The following PPFIA2 variants were observed in gnomAD, a reference collection of about 807,000 sequenced individuals.
PPFIA2 encodes the protein liprin-alpha-2.
In PPFIA2, 46 loss-of-function variants were observed where a neutral mutation model predicts 175.5. The observed-to-expected ratio is 0.26, with a 90% CI of 0.21 to 0.34. The LOEUF (loss-of-function observed/expected upper bound fraction) is 0.34. Ranked by LOEUF, PPFIA2 falls within the 10% of genes least tolerant of loss-of-function variation. The probability of loss-of-function intolerance (pLI) is 1.00; values close to 1 mark genes in which losing one functional copy is unlikely to be tolerated. For synonymous variants in PPFIA2, 568 were observed against 511.4 expected (o/e 1.11, Z -1.49); for missense variants, 1,179 against 1,506.1 (o/e 0.78, Z 3.60).
intron 11 of PPFIA2, among the ~76,000 whole-genome samples, chr12:81,369,882 T>C (rs1437090979): frequency 1.3e-5 from 2 of 151,760 alleles, no homozygotes; most frequent in Non-Finnish European, 2.9e-5. Context: ...GTGAACACGA[T>C]GCAGTTGATG....
At chr12:81,709,349 A>G (rs935980622) in intron 3 of PPFIA2, among the ~76,000 whole-genome samples, 5 of 152,248 alleles carry the variant, frequency 3.3e-5, no homozygotes, top group Admixed American at 2.0e-4. Context: ...TGTCAGATCC[A>G]TCATCAAATT....
chr12:81,753,592 A>G (rs2084191247), intron 3 of PPFIA2, among the ~76,000 whole-genome samples: 1 of 152,128 alleles, frequency 6.6e-6, no homozygotes, highest in Non-Finnish European at 1.5e-5. Context: ...AGACCACACA[A>G]CTGAAAATGA....
In PPFIA2 at chr12:81,529,518, G is replaced by GAC. The variant is rs375183877; in HGVS notation, c.304-71654_304-71653dup. Among the ~76,000 whole-genome samples the GAC allele has an allele frequency of 3.2e-3, 476 of 149,856 alleles. 1 individual carries two copies. Among genetic ancestry groups the GAC allele is most frequent in the African/African-American group, 9.7e-3 (396 of 40,738 alleles). On this transcript the variant is annotated intron_variant, in intron 4 of 32. Transcript: ENST00000549396. ...TATTCCAAGTAAATAGAGAGAGAGA[G>GAC]ACACACACACACACACAAAGAGTGG...
At chr12:81,689,401 T>C (rs746782232) in intron 3 of PPFIA2, among the ~76,000 whole-genome samples, 1 of 152,072 alleles carries the variant, frequency 6.6e-6, no homozygotes, top group Non-Finnish European at 1.5e-5. Context: ...GGCAGCTCCA[T>C]TTCAATTGAT....
intron 4 of PPFIA2, among the ~76,000 whole-genome samples, chr12:81,485,404 C>A (rs10862317): frequency 0.071 from 10,793 of 151,556 alleles, 552 homozygotes; most frequent in East Asian, 0.2. Flanking sequence ...TTTTAAAAAT[C>A]CTTAACCTAT....
At chr12:81,444,099 C>T (rs913388625) in intron 6 of PPFIA2, among the ~76,000 whole-genome samples, 1 of 151,794 alleles carries the variant, frequency 6.6e-6, no homozygotes, top group Non-Finnish European at 1.5e-5. Flanking sequence ...CGTGATCCGC[C>T]CGCCTCGGCC....
rs550187113 is a variant in PPFIA2 at position 81,452,532 on chromosome 12, T to G, written c.405+5233A>C. ...GAAATAGCTGTTGGGAGGGCGTATGTCCTATCCTATTTACTCTTGTACTGA... is the reference window on the plus strand; with the variant it reads ...GAAATAGCTGTTGGGAGGGCGTATGGCCTATCCTATTTACTCTTGTACTGA... On this transcript the variant is annotated intron_variant, in intron 5 of 32. Coordinates refer to ENST00000549396, the MANE Select transcript of PPFIA2 (RefSeq NM_003625.5). 2.0e-5 allele frequency among the ~76,000 whole-genome samples: 3 copies of G among 152,344 alleles called. No individual in the cohort carries two copies. In the South Asian group the frequency reaches 6.2e-4, roughly 32 times the overall value.
At chr12:81,606,822 T>A (rs991123523) in intron 4 of PPFIA2, among the ~76,000 whole-genome samples, 1 of 152,160 alleles carries the variant, frequency 6.6e-6, no homozygotes, top group Non-Finnish European at 1.5e-5. Flanking sequence ...TTTAATTAGG[T>A]ACCATTTGTC....
chr12:81,550,005 C>A (rs963707194), intron 4 of PPFIA2, among the ~76,000 whole-genome samples: 1 of 151,958 alleles, frequency 6.6e-6, no homozygotes, highest in South Asian at 2.1e-4. Flanking sequence ...GCAAAGATAG[C>A]TTTCTTTCTG....
At chr12:81,715,579 T>C (rs761743954) in intron 3 of PPFIA2, among the ~76,000 whole-genome samples, 7 of 151,732 alleles carry the variant, frequency 4.6e-5, no homozygotes, top group Non-Finnish European at 8.9e-5. Context: ...GTGATGTCCA[T>C]AACAATGGTC....
At chr12:81,523,677 CA>C (rs1432692993) in intron 4 of PPFIA2, among the ~76,000 whole-genome samples, 1 of 151,882 alleles carries the variant, frequency 6.6e-6, no homozygotes, top group Admixed American at 6.6e-5. Context: ...ACTGTGCTGC[CA>C]AAAAAACCTA....
At chr12:81,263,969 T>C (rs1388219858) in intron 30 of PPFIA2, among the ~76,000 whole-genome samples, 1 of 152,212 alleles carries the variant, frequency 6.6e-6, no homozygotes, top group Non-Finnish European at 1.5e-5. Flanking sequence ...TGCAATTTGT[T>C]GAAAAATCTG....
intron 4 of PPFIA2, among the ~76,000 whole-genome samples, chr12:81,516,387 A>G (rs928097220): frequency 6.6e-6 from 1 of 152,186 alleles, no homozygotes; most frequent in African/African-American, 2.4e-5. Context: ...TATATAAAAT[A>G]AAATTTCACT....
chr12:81,721,680 T>C (rs2079367297), intron 3 of PPFIA2, among the ~76,000 whole-genome samples: 1 of 151,284 alleles, frequency 6.6e-6, no homozygotes. Flanking sequence ...AAAAATATTA[T>C]TTTTACTACA....
intron 4 of PPFIA2, among the ~76,000 whole-genome samples, chr12:81,521,641 T>C (rs1277098358): frequency 1.8e-5 from 2 of 108,504 alleles, no homozygotes; most frequent in Non-Finnish European, 3.7e-5. Flanking sequence ...CAAGGATCTC[T>C]AATAAAATAC....
intron 3 of PPFIA2, among the ~76,000 whole-genome samples, chr12:81,692,103 A>AACACACACACAC (rs2075313752): frequency 1.8e-5 from 1 of 54,438 alleles, no homozygotes; most frequent in Admixed American, 2.2e-4. Flanking sequence ...CACATACACA[A>AACACACACACAC]ACACAGACAC....
intron 9 of PPFIA2, among the ~76,000 whole-genome samples, chr12:81,379,956 T>A (rs190403544): frequency 4.5e-4 from 68 of 152,358 alleles, no homozygotes; most frequent in African/African-American, 1.5e-3. Context: ...GGTTGTTTTT[T>A]CTTATTTCCT....
chr12:81,523,557 CT>C (rs572537281), intron 4 of PPFIA2, among the ~76,000 whole-genome samples: 1 of 152,084 alleles, frequency 6.6e-6, no homozygotes, highest in Non-Finnish European at 1.5e-5. Flanking sequence ...ATACTCCATC[CT>C]TTTTTTCATC....
chr12:81,561,316 T>C (rs2070022244), intron 4 of PPFIA2, among the ~76,000 whole-genome samples: 2 of 152,188 alleles, frequency 1.3e-5, no homozygotes. Flanking sequence ...TCAATTAGCA[T>C]AGCTAATAAT....
Sources: gnomAD v4.1 joint callset for allele counts (sites outside exome capture counted in the v4.1 genomes callset) on GRCh38, gnomAD v4.1.1 for gene constraint, MANE v1.5 for transcripts, NCBI Gene and HGNC (gene_info 2026-07-23, HGNC 2026-07-21) for gene names.